The following ULK4 variants were observed in gnomAD, a reference collection of about 807,000 sequenced individuals.
The protein encoded by ULK4 is inactive serine/threonine-protein kinase ULK4.
A neutral mutation model predicts 160.6 loss-of-function variants in ULK4; 133 were observed. The ratio of observed to expected loss-of-function variants is 0.83; its 90% CI spans 0.72 to 0.96. The LOEUF (loss-of-function observed/expected upper bound fraction) is 0.96, where lower values mean the gene tolerates loss of function less well. Ranked by LOEUF, ULK4 falls within the 40% of genes least tolerant of loss-of-function variation. The pLI is 0.00. For synonymous variants in ULK4, 534 were observed against 539.8 expected, an observed-to-expected ratio of 0.99 and a Z score of 0.15; for missense variants, 1,580 against 1,499.5, an observed-to-expected ratio of 1.05 and a Z score of -0.89.
At chr3:41,847,506 G>C (rs1243431633) in intron 17 of ULK4, among the ~76,000 whole-genome samples, 3 of 152,170 alleles carry the variant, frequency 2.0e-5, no homozygotes, top group Admixed American at 2.0e-4. Flanking sequence ...TCCAATGGGA[G>C]ATACAGTAGT....
intron 2 of ULK4, 101 bp downstream of exon 2, chr3:41,954,521 C>T: frequency 7.5e-7 from 1 of 1,337,492 alleles, no homozygotes; most frequent in Non-Finnish European, 1.0e-6. Flanking sequence ...GAAAATGTGG[C>T]ATTTGATATA....
rs1048102249 is a variant in ULK4, at chr3:41,517,293, A to G, written c.3226+48732T>C. 2.6e-5 allele frequency among the ~76,000 whole-genome samples: 4 copies of G among 152,196 alleles called. No homozygotes were observed. In the South Asian group the frequency reaches 8.3e-4, roughly 31 times the overall value. ...CCATCCCTCCTCCAGCACAATTCAT[A>G]TATTAGAACCTAAGACCCAATATAA... is the stretch of plus-strand genomic sequence containing the variant. On this transcript the variant is annotated intron_variant, in intron 32 of 36. Coordinates refer to ENST00000301831, the MANE Select transcript of ULK4 (RefSeq NM_017886.4).
At position 41,754,441 on chromosome 3, in the gene ULK4, G is replaced by A. The variant is rs1212474464; in HGVS notation, c.2241C>T (p.Cys747=). 1.2e-6 allele frequency: 2 copies of A among 1,613,636 alleles called. No individual in the cohort carries two copies. Among genetic ancestry groups the A allele is most frequent in the African/African-American group, 2.7e-5 (2 of 74,866 alleles). ...GAACCAGGAAGGCTTTTGCTCTAAT[G>A]CATGTTGAGGGGCTGTCAAGTAAAC... ...IIRLLDSPST[C]IRAKAFLVLL... Residue 747 remains cysteine, a synonymous_variant, in exon 22 of 37, where the codon TGC becomes TGT. Coordinates refer to ENST00000301831, the MANE Select transcript of ULK4 (RefSeq NM_017886.4).
At chr3:41,430,468 T>C (rs926657636) in intron 34 of ULK4, among the ~76,000 whole-genome samples, 1 of 152,334 alleles carries the variant, frequency 6.6e-6, no homozygotes, top group East Asian at 1.9e-4. Flanking sequence ...CTTCATGATC[T>C]GCAAGGCGCC....
chr3:41,739,300 C>T (rs2038160918), intron 22 of ULK4, among the ~76,000 whole-genome samples: 1 of 151,808 alleles, frequency 6.6e-6, no homozygotes, highest in Admixed American at 6.6e-5. Context: ...TCACTTAATC[C>T]TGATTAAGAA....
chr3:41,458,320 T>C (rs1034019077), intron 33 of ULK4, among the ~76,000 whole-genome samples: 23 of 152,222 alleles, frequency 1.5e-4, no homozygotes, highest in African/African-American at 5.1e-4. Context: ...TGAATCATAT[T>C]CATCTTTACA....
At chr3:41,957,543 T>G (rs1326148446) in intron 1 of ULK4, among the ~76,000 whole-genome samples, 1 of 150,376 alleles carries the variant, frequency 6.6e-6, no homozygotes, top group Non-Finnish European at 1.5e-5. Context: ...TCACAACATA[T>G]CTACATATCA....
rs1264612043 is a variant in ULK4 at position 41,378,932 on chromosome 3, A to G, written c.3678+19147T>C. ...GACATGGATGAAGCTGGAAACCATC[A>G]TTCTCAGCAAACTAACACAGGAACA... On this transcript the variant is annotated intron_variant, in intron 35 of 36. Coordinates refer to ENST00000301831, the MANE Select transcript of ULK4 (RefSeq NM_017886.4). Among the ~76,000 whole-genome samples the G allele has an allele frequency of 3.9e-5, 6 of 152,156 alleles. 1 individual carries two copies. Among genetic ancestry groups the G allele is most frequent in the African/African-American group, 1.4e-4 (6 of 41,434 alleles).
chr3:41,853,586 G>A (rs2042266139), intron 17 of ULK4, among the ~76,000 whole-genome samples: 1 of 152,100 alleles, frequency 6.6e-6, no homozygotes, highest in African/African-American at 2.4e-5. Flanking sequence ...TTTTTCTCGA[G>A]CAGCTAAATA....
chr3:41,546,335 A>G (rs532001384), intron 32 of ULK4, among the ~76,000 whole-genome samples: 63 of 152,272 alleles, frequency 4.1e-4, no homozygotes, highest in African/African-American at 1.5e-3. Context: ...TCCGTAGACC[A>G]AGGACTTAGC....
chr3:41,369,372 T>C (rs1437416429), intron 35 of ULK4, among the ~76,000 whole-genome samples: 1 of 151,942 alleles, frequency 6.6e-6, no homozygotes. Context: ...CACATGCCTG[T>C]GGTACCAGCT....
At chr3:41,601,913 G>A (rs1269459486) in intron 31 of ULK4, among the ~76,000 whole-genome samples, 1 of 152,106 alleles carries the variant, frequency 6.6e-6, no homozygotes, top group African/African-American at 2.4e-5. Flanking sequence ...TGAAATCTGG[G>A]CTGGACATGG....
chr3:41,629,191 G>C (rs1002993322), intron 30 of ULK4, among the ~76,000 whole-genome samples: 1 of 152,100 alleles, frequency 6.6e-6, no homozygotes, highest in Non-Finnish European at 1.5e-5. Context: ...GGGATGACTC[G>C]TCTTTGTTTC....
intron 32 of ULK4, among the ~76,000 whole-genome samples, chr3:41,471,644 A>G (rs572558951): frequency 6.6e-6 from 1 of 152,356 alleles, no homozygotes; most frequent in African/African-American, 2.4e-5. Context: ...GAAGACTGAA[A>G]TAATAACAAG....
Position 41,836,062 on chromosome 3 carries a change from G to A in ULK4, c.1657-91C>T, listed in dbSNP as rs551193811. ...GTAAAAAGCAGGATACCCTGTAAAA[G>A]TCACCATTTTTAAGAACTATTTTCC... On this transcript the variant is annotated intron_variant, in intron 17 of 36. Coordinates refer to ENST00000301831, the MANE Select transcript of ULK4 (RefSeq NM_017886.4). 1,430 of 810,268 alleles carry A rather than the reference G, an allele frequency of 1.8e-3. 42 individuals are homozygous for A. The South Asian group carries it at 0.026, about 15-fold the overall frequency. 50.2% of individuals were successfully genotyped at this position (810,268 alleles called of 1,614,324 possible).
intron 32 of ULK4, among the ~76,000 whole-genome samples, chr3:41,521,220 C>T (rs2085920266): frequency 6.6e-6 from 1 of 152,064 alleles, no homozygotes; most frequent in African/African-American, 2.4e-5. Flanking sequence ...TTTCTTTTTC[C>T]TACCAGCTAG....
chr3:41,344,053 C>T (rs2080746184), intron 35 of ULK4, among the ~76,000 whole-genome samples: 2 of 152,286 alleles, frequency 1.3e-5, no homozygotes, highest in East Asian at 3.9e-4. Flanking sequence ...AAGCTGGAGG[C>T]ATCATGCTAC....
intron 32 of ULK4, among the ~76,000 whole-genome samples, chr3:41,465,965 G>A (rs995542910): frequency 1.3e-5 from 2 of 152,134 alleles, no homozygotes; most frequent in African/African-American, 4.8e-5. Context: ...GGTAGACGAA[G>A]ATAGAAACTA....
At chr3:41,403,586 C>A (rs2082229011) in intron 34 of ULK4, among the ~76,000 whole-genome samples, 1 of 151,872 alleles carries the variant, frequency 6.6e-6, no homozygotes, top group African/African-American at 2.4e-5. Context: ...TTTTCAAATT[C>A]ATTGATTTCT....
Sources: gnomAD v4.1 joint callset for allele counts (sites outside exome capture counted in the v4.1 genomes callset) on GRCh38, gnomAD v4.1.1 for gene constraint, MANE v1.5 for transcripts, NCBI Gene and HGNC (gene_info 2026-07-23, HGNC 2026-07-21) for gene names.